The following GAS6 variants were observed in gnomAD, a reference collection of about 807,000 sequenced individuals.
GAS6 encodes growth arrest-specific protein 6.
A neutral mutation model predicts 75.8 loss-of-function variants in GAS6; 41 were observed. The ratio of observed to expected loss-of-function variants is 0.54; its 90% CI spans 0.42 to 0.70. GAS6 has a LOEUF of 0.70. GAS6 is among the 30% of genes least tolerant of loss of function. The pLI, the probability that GAS6 is intolerant of heterozygous loss-of-function variation, is 0.00. For missense variants in GAS6, 854 were observed against 940.2 expected (o/e 0.91, Z 1.20); for synonymous variants, 432 against 412.6 (o/e 1.05, Z -0.57).
In GAS6 at chr13:113,832,457, CA is replaced by C; in HGVS notation, c.984del (p.Phe328LeufsTer23). 6.2e-7 allele frequency: 1 copy of C among 1,605,840 alleles called. No individual in the cohort carries two copies. Among genetic ancestry groups the C allele is most frequent in the Non-Finnish European group, 8.5e-7 (1 of 1,174,910 alleles). On this transcript the variant is annotated frameshift_variant, in exon 10 of 15. Transcript: ENST00000327773. ...RLVAEFDFRTFDPEGILLFAG... is the reference protein window; with the variant it reads ...RLVAEFDFRTXDPEGILLFAG... Reference sequence around the variant, plus strand: ...GCAAAGAGGAGGATGCCCTCGGGGTCAAAGGTCCGGAAGTCAAACTCAGCTA... The same window carrying C: ...GCAAAGAGGAGGATGCCCTCGGGGTCAAGGTCCGGAAGTCAAACTCAGCTA...
chr13:113,860,175 G>A (rs1437887188), intron 2 of GAS6, among the ~76,000 whole-genome samples: 1 of 152,224 alleles, frequency 6.6e-6, no homozygotes, highest in East Asian at 1.9e-4. Context: ...AGAAAGAGAT[G>A]GGGGAAGGGA....
chr13:113,839,552 A>G, intron 5 of GAS6, 176 bp downstream of exon 5: 1 of 718,064 alleles, frequency 1.4e-6, no homozygotes, highest in South Asian at 2.2e-5. Flanking sequence ...CAGAAAGGAG[A>G]CTGCAGCTCC....
At chr13:113,856,804 G>A (rs369010330) in intron 2 of GAS6, among the ~76,000 whole-genome samples, 2 of 151,992 alleles carry the variant, frequency 1.3e-5, no homozygotes, top group East Asian at 3.9e-4. Context: ...CTCATTTGGA[G>A]TGGGCAGGAA....
At position 113,863,480 on chromosome 13, in the gene GAS6, G is replaced by T; in HGVS notation, c.255+95C>A. ...ACCCTGAGGCCAGGCCTCGCCGCGCGGAGCTGGGGGGCGGCAGCAGCGCTG... is the reference window on the plus strand; with the variant it reads ...ACCCTGAGGCCAGGCCTCGCCGCGCTGAGCTGGGGGGCGGCAGCAGCGCTG... On this transcript the variant is annotated intron_variant, in intron 2 of 14. Transcript: ENST00000327773. This position sits in a 1 kb window ranked among gnomAD's most constrained non-coding sequence, Gnocchi z 9.4. The T allele has an allele frequency of 1.6e-6, 2 of 1,247,918 alleles. No individual in the cohort carries two copies. Among genetic ancestry groups the T allele is most frequent in the Non-Finnish European group, 2.1e-6 (2 of 966,410 alleles). The allele number at this position is 1,247,918 out of a possible 1,614,324, so 77.3% of individuals were successfully genotyped here.
chr13:113,834,133 T>G (rs1172549592), intron 8 of GAS6, among the ~76,000 whole-genome samples: 1 of 139,754 alleles, frequency 7.2e-6, no homozygotes, highest in African/African-American at 2.8e-5. Flanking sequence ...GACAGGTCGG[T>G]GTGACAGGCA....
Position 113,832,648 on chromosome 13 carries a change from C to T in GAS6, c.939G>A (p.Arg313=), listed in dbSNP as rs1296276532. ...GTPVIRLRFK[R]LQPTRLVAEF... ...CACCTCCTCACCTGGTGGGCTGCAG[C>T]CTCTTGAAGCGCAGTCGGATCACGG... Residue 313 remains arginine (R), a synonymous_variant, in exon 9 of 15, where the codon AGG becomes AGA. Transcript: ENST00000327773. 6.2e-7 allele frequency: 1 copy of T among 1,612,772 alleles called. No homozygotes were observed. The highest frequency in any genetic ancestry group is 8.5e-7 in the Non-Finnish European group (1 of 1,179,966).
rs551207652 is a variant in GAS6 at position 113,834,152 on chromosome 13, A to C, written c.834+399T>G. Among the ~76,000 whole-genome samples the C allele has an allele frequency of 2.1e-4, 31 of 146,254 alleles. 1 individual carries two copies. The highest frequency in any genetic ancestry group is 1.3e-3 in the South Asian group (6 of 4,488). On this transcript the variant is annotated intron_variant, in intron 8 of 14. Coordinates refer to ENST00000327773, the MANE Select transcript of GAS6 (RefSeq NM_000820.4). ...GGTCGGTGTGACAGGCACCAGTGTG[A>C]CAGGCCCCGGTGTGACAGGTAGGTC... is the stretch of plus-strand genomic sequence containing the variant.
chr13:113,859,609 TGCCTGTGTGTG>T (rs2051954563), intron 2 of GAS6, among the ~76,000 whole-genome samples: 1 of 122,526 alleles, frequency 8.2e-6, no homozygotes, highest in Non-Finnish European at 1.8e-5. Context: ...AGTATGTGTG[TGCCTGTGTGTG>T]TGCATGTATA....
intron 5 of GAS6, chr13:113,839,470 T>G (rs370072819): frequency 2.5e-5 from 11 of 434,496 alleles, no homozygotes; most frequent in Non-Finnish European, 3.6e-5. Flanking sequence ...GAGGTGAAAT[T>G]TCCCCCCCCG....
rs925533226 is a variant in GAS6, at chr13:113,833,771, G to A, written c.834+780C>T. On this transcript the variant is annotated intron_variant, in intron 8 of 14. Coordinates refer to ENST00000327773, the MANE Select transcript of GAS6 (RefSeq NM_000820.4). ...GTACTGTTGTGACAGGTCGGTGTGA[G>A]ACACTGGTGTGACAAGTCAGTGTGA... is the stretch of plus-strand genomic sequence containing the variant. 4 of 1,013,090 alleles carry A rather than the reference G, an allele frequency of 3.9e-6. No individual in the cohort carries two copies. The African/African-American group carries it at 7.1e-5, about 18-fold the overall frequency. 62.8% of individuals were successfully genotyped at this position (1,013,090 alleles called of 1,614,324 possible). A position where few individuals can be genotyped will look rare whatever the true frequency, so the allele number is the denominator to read the frequency against.
chr13:113,858,410 CAT>C (rs551847888), intron 2 of GAS6, among the ~76,000 whole-genome samples: 2,806 of 151,422 alleles, frequency 0.019, 87 homozygotes, highest in African/African-American at 0.062. Context: ...TGTGTGTTTA[CAT>C]ATGTCTATGT....
chr13:113,847,977 C>T (rs370232295), intron 3 of GAS6, 49 bp downstream of exon 3: 24 of 1,561,186 alleles, frequency 1.5e-5, no homozygotes, highest in Non-Finnish European at 1.9e-5. Flanking sequence ...ACACGCACCC[C>T]CAACTATGCC....
rs76238089 is a variant in GAS6 at position 113,820,860 on chromosome 13, G to A, written c.*4C>T. Reference sequence around the variant, plus strand: ...CTGAGAAGCCTGCCGCGTCCCGTGGGGGCCTAGGCTGCGGCGGGCTCCACG... The same window carrying A: ...CTGAGAAGCCTGCCGCGTCCCGTGGAGGCCTAGGCTGCGGCGGGCTCCACG... On this transcript the variant is annotated 3_prime_UTR_variant, in exon 15 of 15. Transcript: ENST00000327773. 896 of 1,608,792 alleles carry A rather than the reference G, an allele frequency of 5.6e-4. 10 individuals carry two copies. The East Asian group carries it at 0.014, about 25-fold the overall frequency.
chr13:113,827,259 T>C, intron 11 of GAS6, 95 bp from the exon 12 acceptor site: 1 of 1,268,132 alleles, frequency 7.9e-7, no homozygotes, highest in Non-Finnish European at 1.1e-6. Flanking sequence ...GGCCCTGGTA[T>C]GTGCAGCTCT....
At chr13:113,843,170 C>G (rs1415776483) in intron 4 of GAS6, 1 of 264,372 alleles carries the variant, frequency 3.8e-6, no homozygotes, top group East Asian at 6.2e-5. Flanking sequence ...CCGTCCACCT[C>G]CCTGACCCCC....
chr13:113,835,444 G>A, intron 7 of GAS6, 69 bp downstream of exon 7: 1 of 1,565,852 alleles, frequency 6.4e-7, no homozygotes, highest in East Asian at 2.3e-5. Flanking sequence ...ACCGGCTCGG[G>A]CAGTGACTGG....
In GAS6 at chr13:113,829,229, A is replaced by G. The variant is rs371276758; in HGVS notation, c.1144-518T>C. Among the ~76,000 whole-genome samples the G allele has an allele frequency of 3.0e-3, 163 of 54,922 alleles. 28 individuals are homozygous for G. Among genetic ancestry groups the G allele is most frequent in the African/African-American group, 0.028 (147 of 5,170 alleles). The allele number at this position is 54,922 out of a possible 152,430, so 36.0% of individuals were successfully genotyped here. On this transcript the variant is annotated intron_variant, in intron 10 of 14. Coordinates refer to ENST00000327773, the MANE Select transcript of GAS6 (RefSeq NM_000820.4). ...TCCTCACCTGGGCCAAGAGGGTCTC[A>G]ATCTCAGGCAGACCACATGATCCTC...
chr13:113,856,741 G>A (rs2051918501), intron 2 of GAS6, among the ~76,000 whole-genome samples: 1 of 152,224 alleles, frequency 6.6e-6, no homozygotes, highest in Admixed American at 6.5e-5. Context: ...AGACAGTCCA[G>A]ACACACCCAA....
intron 8 of GAS6, 183 bp from the exon 9 acceptor site, chr13:113,832,935 G>A: frequency 6.7e-7 from 1 of 1,483,952 alleles, no homozygotes; most frequent in Non-Finnish European, 9.0e-7. Flanking sequence ...CCCAGGTGAA[G>A]GGCGGGCTTG....
Sources: allele counts gnomAD v4.1 joint callset (sites outside exome capture counted in the v4.1 genomes callset), GRCh38; gene constraint gnomAD v4.1.1; non-coding constraint Gnocchi (gnomAD v3.1); transcripts MANE v1.5; gene names NCBI Gene and HGNC (gene_info 2026-07-23, HGNC 2026-07-21).